NRG3: variants seen among roughly 807,000 people sequenced by gnomAD.
NRG3 encodes pro-neuregulin-3, membrane-bound isoform.
Under a neutral mutation model 66.9 loss-of-function variants are expected in NRG3, and 31 were observed. The observed-to-expected ratio is 0.46, with a 90% CI of 0.35 to 0.63. NRG3 has a LOEUF of 0.63. Among genes scored for constraint, NRG3 ranks in the 20% least tolerant of loss-of-function variants. The pLI is 0.00. For synonymous variants in NRG3, 393 were observed against 359.4 expected, an observed-to-expected ratio of 1.09 and a Z score of -1.06; for missense variants, 910 against 878.9, an observed-to-expected ratio of 1.04 and a Z score of -0.45.
chr10:82,175,112 C>T (rs1390012861), intron 1 of NRG3, among the ~76,000 whole-genome samples: 1 of 152,126 alleles, frequency 6.6e-6, no homozygotes, highest in African/African-American at 2.4e-5. Flanking sequence ...TTAAGACCTA[C>T]CCTTATATGG....
chr10:82,794,213 T>A (rs1280809821), intron 3 of NRG3, among the ~76,000 whole-genome samples: 1 of 151,856 alleles, frequency 6.6e-6, no homozygotes, highest in South Asian at 2.1e-4. Context: ...ATGGCATCAA[T>A]TTTTTTTGGT....
intron 3 of NRG3, among the ~76,000 whole-genome samples, chr10:82,768,092 C>T (rs1176724169): frequency 1.3e-5 from 2 of 152,142 alleles, no homozygotes; most frequent in East Asian, 1.9e-4. Context: ...TTCCAGGCTC[C>T]TTTCTAAAGG....
intron 2 of NRG3, among the ~76,000 whole-genome samples, chr10:82,738,344 A>G (rs1277179699): frequency 6.6e-6 from 1 of 152,204 alleles, no homozygotes; most frequent in Non-Finnish European, 1.5e-5. Context: ...TGCTCCTTAG[A>G]TATTGCATAT....
chr10:82,782,252 G>T (rs1419029974), intron 3 of NRG3, among the ~76,000 whole-genome samples: 1 of 152,116 alleles, frequency 6.6e-6, no homozygotes, highest in African/African-American at 2.4e-5. Context: ...CAAGGGATAG[G>T]TTAGTTCTCA....
At chr10:82,791,856 T>A (rs1393723443) in intron 3 of NRG3, among the ~76,000 whole-genome samples, 3 of 152,160 alleles carry the variant, frequency 2.0e-5, no homozygotes, top group African/African-American at 7.2e-5. Context: ...TTAAGTCAGG[T>A]CAGATAAAGT....
chr10:82,966,923 G>T (rs1851261982), intron 6 of NRG3, among the ~76,000 whole-genome samples: 1 of 151,366 alleles, frequency 6.6e-6, no homozygotes, highest in Non-Finnish European at 1.5e-5. Flanking sequence ...AAGTTTTCAG[G>T]GTTTTTTTTT....
At chr10:82,081,232 A>G (rs559870089) in intron 1 of NRG3, among the ~76,000 whole-genome samples, 3 of 152,288 alleles carry the variant, frequency 2.0e-5, no homozygotes, top group African/African-American at 7.2e-5. Flanking sequence ...GGAGCCTCCC[A>G]AGATCTGACA....
intron 3 of NRG3, chr10:82,859,009 C>A (rs762685771): frequency 6.8e-6 from 1 of 146,054 alleles, no homozygotes; most frequent in Non-Finnish European, 1.5e-5. Context: ...TGCAGTGACA[C>A]GATCTCGGCT....
At chr10:82,859,903 G>A (rs561827171) in intron 3 of NRG3, among the ~76,000 whole-genome samples, 290 of 151,964 alleles carry the variant, frequency 1.9e-3, no homozygotes, top group Non-Finnish European at 2.6e-3. Context: ...ATTTCCAAGT[G>A]TTTTCCAGGA....
At chr10:82,670,731 A>C (rs139911900) in intron 2 of NRG3, among the ~76,000 whole-genome samples, 15 of 152,264 alleles carry the variant, frequency 9.9e-5, no homozygotes, top group African/African-American at 3.6e-4. Flanking sequence ...AAGAAAAAAA[A>C]CAAAACAAAA....
chr10:82,300,857 G>A (rs2080361988), intron 1 of NRG3, among the ~76,000 whole-genome samples: 1 of 152,080 alleles, frequency 6.6e-6, no homozygotes, highest in African/African-American at 2.4e-5. Flanking sequence ...GTGCAGTGGT[G>A]TCCACTTGTA....
chr10:82,555,869 G>A (rs1237991806), intron 2 of NRG3, among the ~76,000 whole-genome samples: 1 of 152,078 alleles, frequency 6.6e-6, no homozygotes, highest in Non-Finnish European at 1.5e-5. Context: ...TTTATTTCCT[G>A]CTACCACCCT....
At chr10:82,762,297 AATT>A (rs1374371543) in intron 3 of NRG3, among the ~76,000 whole-genome samples, 8 of 152,046 alleles carry the variant, frequency 5.3e-5, no homozygotes, top group Admixed American at 3.9e-4. Context: ...CACAAATAGA[AATT>A]TTCCAATTTC....
intron 3 of NRG3, among the ~76,000 whole-genome samples, chr10:82,825,814 T>C (rs1348181074): frequency 6.6e-6 from 1 of 152,224 alleles, no homozygotes; most frequent in African/African-American, 2.4e-5. Context: ...AGTGAGCCTA[T>C]TACATGAGAA....
chr10:82,767,527 G>T (rs537182212), intron 3 of NRG3, among the ~76,000 whole-genome samples: 14 of 151,796 alleles, frequency 9.2e-5, no homozygotes, highest in Non-Finnish European at 1.3e-4. Flanking sequence ...ATTATGGTCT[G>T]GATAGTTTTC....
intron 1 of NRG3, among the ~76,000 whole-genome samples, chr10:82,074,208 G>C (rs1043701349): frequency 6.6e-6 from 1 of 152,098 alleles, no homozygotes; most frequent in African/African-American, 2.4e-5. Context: ...TTTCTGGGGT[G>C]GGGTGTTCCA....
chr10:82,373,973 T>A (rs1449700638), intron 2 of NRG3, among the ~76,000 whole-genome samples: 1 of 152,294 alleles, frequency 6.6e-6, no homozygotes, highest in East Asian at 1.9e-4. Context: ...CTGTATCTAT[T>A]ATAATGTTTT....
chr10:82,217,647 T>C (rs1431268471), intron 1 of NRG3, among the ~76,000 whole-genome samples: 2 of 152,202 alleles, frequency 1.3e-5, no homozygotes, highest in Non-Finnish European at 2.9e-5. Flanking sequence ...ATTTCTGCAA[T>C]AGTTGCCTAA....
chr10:82,378,441 T>C (rs1045843647), intron 2 of NRG3, among the ~76,000 whole-genome samples: 3 of 152,192 alleles, frequency 2.0e-5, no homozygotes, highest in Non-Finnish European at 4.4e-5. Flanking sequence ...TTCTCCAAGT[T>C]GTAGATTTAA....
Sources: allele counts gnomAD v4.1 joint callset (sites outside exome capture counted in the v4.1 genomes callset), GRCh38; gene constraint gnomAD v4.1.1; transcripts MANE v1.5; gene names NCBI Gene and HGNC (gene_info 2026-07-23, HGNC 2026-07-21).